The following NXPE3 variants were observed in gnomAD, a reference collection of about 807,000 sequenced individuals.
NXPE3 encodes neurexophilin and PC-esterase domain family member 3.
NXPE3 carries 26 observed loss-of-function variants against 46.1 expected under a neutral mutation model. The observed-to-expected ratio is 0.56, with a 90% CI of 0.41 to 0.78. The LOEUF is 0.78. Ranked by LOEUF, NXPE3 falls within the 30% of genes least tolerant of loss-of-function variation. NXPE3 has a pLI of 0.00. For synonymous variants in NXPE3, 272 were observed against 257.9 expected, an observed-to-expected ratio of 1.05 and a Z score of -0.52; for missense variants, 620 against 686.0, an observed-to-expected ratio of 0.90 and a Z score of 1.07.
Position 101,816,749 on chromosome 3 carries a change from G to A in NXPE3, c.923-46G>A, listed in dbSNP as rs1941987716. On this transcript the variant is annotated intron_variant, in intron 6 of 7. Coordinates refer to ENST00000273347, the MANE Select transcript of NXPE3 (RefSeq NM_145037.4). ...TTTCTTGGGACATTTTTCATCTATT[G>A]TTGGAGGAGAATATTAAAATATTTG... 2.1e-6 allele frequency: 3 copies of A among 1,424,828 alleles called. No homozygotes were observed. In the Admixed American group the frequency reaches 5.4e-5, roughly 26 times the overall value. 88.3% of individuals were successfully genotyped at this position (1,424,828 alleles called of 1,614,324 possible).
At position 101,808,850 on chromosome 3, in the gene NXPE3, T is replaced by TAC. The variant is rs1560057823; in HGVS notation, c.922+1725_922+1726insCA. ...ATATATATATATATATATATATATA[T>TAC]ATATATGAGACATTTATCTTTTATC... On this transcript the variant is annotated intron_variant, in intron 6 of 7. Transcript: ENST00000273347. 1.4e-3 allele frequency among the ~76,000 whole-genome samples: 183 copies of TAC among 132,450 alleles called. 13 individuals carry two copies. The highest frequency in any genetic ancestry group is 7.6e-3 in the East Asian group (34 of 4,446). 86.9% of individuals were successfully genotyped at this position (132,450 alleles called of 152,430 possible). A position where few individuals can be genotyped will look rare whatever the true frequency, so the allele number is the denominator to read the frequency against.
rs1033518588 is a variant in NXPE3 at position 101,821,413 on chromosome 3, A to C, written c.1139A>C (p.Glu380Ala). ...YLTTFVPDLV[E>A]FNLGSPKNVG... ...GTTTTCCTTGTTTCAGATTTAGTGG[A>C]GTTTAACTTGGGTAGTCCCAAGAAT... Residue 380 changes from glutamate (E) to alanine (A), a missense_variant, in exon 8 of 8, where the codon GAG becomes GCG. Coordinates refer to ENST00000273347, the MANE Select transcript of NXPE3 (RefSeq NM_145037.4). The C allele has an allele frequency of 6.2e-7, 1 of 1,611,386 alleles. No homozygotes were observed. The highest frequency in any genetic ancestry group is 8.5e-7 in the Non-Finnish European group (1 of 1,177,952).
In NXPE3 at chr3:101,825,498, A is replaced by G. The variant is rs1236479360; in HGVS notation, c.*3544A>G. Reference sequence around the variant, plus strand: ...AATTTTTAAAAACTATAAAATCTAGAAGAAAAATCTATGGATAAAATCCAT... The same window carrying G: ...AATTTTTAAAAACTATAAAATCTAGGAGAAAAATCTATGGATAAAATCCAT... On this transcript the variant is annotated 3_prime_UTR_variant, in exon 8 of 8. Coordinates refer to ENST00000273347, the MANE Select transcript of NXPE3 (RefSeq NM_145037.4). The G allele has an allele frequency of 1.3e-5, 2 of 152,228 alleles. No individual in the cohort carries two copies. Among genetic ancestry groups the G allele is most frequent in the Non-Finnish European group, 2.9e-5 (2 of 68,036 alleles). The allele number at this position is 152,228 out of a possible 1,614,324, so 9.4% of individuals were successfully genotyped here.
At chr3:101,813,541 T>C (rs1364138296) in intron 6 of NXPE3, among the ~76,000 whole-genome samples, 1 of 152,226 alleles carries the variant, frequency 6.6e-6, no homozygotes, top group African/African-American at 2.4e-5. Flanking sequence ...CCATGGGCTT[T>C]AAAGAGAAGC....
chr3:101,803,567 G>A (rs953951677), intron 5 of NXPE3, among the ~76,000 whole-genome samples: 2 of 152,192 alleles, frequency 1.3e-5, no homozygotes, highest in Admixed American at 6.5e-5. Context: ...TTATTTCTGT[G>A]TACTTTTTTG....
chr3:101,807,434 C>T (rs1941469843), intron 6 of NXPE3, among the ~76,000 whole-genome samples: 1 of 152,116 alleles, frequency 6.6e-6, no homozygotes, highest in African/African-American at 2.4e-5. Context: ...ATCCTCCCAT[C>T]TCAGCCTCCC....
At chr3:101,807,195 A>G in intron 6 of NXPE3, 69 bp downstream of exon 6, 1 of 1,175,128 alleles carries the variant, frequency 8.5e-7, no homozygotes, top group Non-Finnish European at 1.3e-6. Flanking sequence ...CTGTCGTTTC[A>G]TTTATGTTGC....
chr3:101,815,911 G>A (rs1484027470), intron 6 of NXPE3, among the ~76,000 whole-genome samples: 13 of 151,540 alleles, frequency 8.6e-5, no homozygotes, highest in Non-Finnish European at 1.5e-4. Context: ...CAGGAGAATC[G>A]CTTGAACCCA....
intron 6 of NXPE3, among the ~76,000 whole-genome samples, chr3:101,811,854 T>C (rs1941724246): frequency 6.6e-6 from 1 of 151,392 alleles, no homozygotes; most frequent in Admixed American, 6.6e-5. Flanking sequence ...CTGCCTCAGC[T>C]TCCCAAGTAG....
chr3:101,811,524 T>C (rs1026580360), intron 6 of NXPE3, among the ~76,000 whole-genome samples: 2 of 152,180 alleles, frequency 1.3e-5, no homozygotes, highest in African/African-American at 2.4e-5. Context: ...TTTTGAGTCC[T>C]TCTTTGTTAG....
At chr3:101,812,684 C>T (rs1183886733) in intron 6 of NXPE3, among the ~76,000 whole-genome samples, 1 of 151,464 alleles carries the variant, frequency 6.6e-6, no homozygotes, top group Non-Finnish European at 1.5e-5. Context: ...TGGTGGCAGG[C>T]GCCTGTAGTC....
chr3:101,793,873 C>T (rs1052683833), intron 4 of NXPE3, among the ~76,000 whole-genome samples: 1 of 151,880 alleles, frequency 6.6e-6, no homozygotes, highest in African/African-American at 2.4e-5. Flanking sequence ...GTTTTGCTTT[C>T]CTGTGAATTA....
intron 3 of NXPE3, among the ~76,000 whole-genome samples, chr3:101,784,801 GGTGT>G (rs769955602): frequency 2.6e-5 from 4 of 152,152 alleles, no homozygotes; most frequent in Non-Finnish European, 5.9e-5. Context: ...CTTCCAGGCA[GGTGT>G]GTGTCTTCCT....
rs185951786 is a variant in NXPE3, at chr3:101,801,035, C to G, written c.94-200C>G. 1.6e-3 allele frequency among the ~76,000 whole-genome samples: 244 copies of G among 152,228 alleles called. 1 individual carries two copies. The highest frequency in any genetic ancestry group is 5.2e-3 in the African/African-American group (216 of 41,538). On this transcript the variant is annotated intron_variant, in intron 4 of 7. Coordinates refer to ENST00000273347, the MANE Select transcript of NXPE3 (RefSeq NM_145037.4). ...CAGCTTTGTTAAGAACAACACAGTG[C>G]TCTGCATACTTCAAAATGGGTCCTT...
In NXPE3 at chr3:101,828,032, A is replaced by C. The variant is rs2107386522; in HGVS notation, c.*6078A>C. On this transcript the variant is annotated 3_prime_UTR_variant, in exon 8 of 8. Coordinates refer to ENST00000273347, the MANE Select transcript of NXPE3 (RefSeq NM_145037.4). The stretch of plus-strand genomic sequence containing the variant: ...TCAGACGGCGAGTTCTTAGAGAAAA[A>C]GGCTGCTTAGCTGCTGCTTATCATG... The C allele has an allele frequency of 6.6e-6, 1 of 152,328 alleles. No homozygotes were observed. Among genetic ancestry groups the C allele is most frequent in the African/African-American group, 2.4e-5 (1 of 41,566 alleles). The allele number at this position is 152,328 out of a possible 1,614,324, so 9.4% of individuals were successfully genotyped here.
chr3:101,787,216 G>C (rs964078290), intron 4 of NXPE3, among the ~76,000 whole-genome samples: 1 of 151,862 alleles, frequency 6.6e-6, no homozygotes, highest in African/African-American at 2.4e-5. Context: ...CCTGCCCCTG[G>C]CATTCACTCT....
At chr3:101,789,146 T>C (rs1440308753) in intron 4 of NXPE3, among the ~76,000 whole-genome samples, 3 of 152,218 alleles carry the variant, frequency 2.0e-5, no homozygotes, top group Non-Finnish European at 4.4e-5. Flanking sequence ...TCCCTTCTTC[T>C]GTTTACTTTG....
At position 101,822,096 on chromosome 3, in the gene NXPE3, T is replaced by C. The variant is rs1308976019; in HGVS notation, c.*142T>C. 6 of 693,164 alleles carry C rather than the reference T, an allele frequency of 8.7e-6. No homozygotes were observed. Among genetic ancestry groups the C allele is most frequent in the South Asian group, 2.0e-5 (1 of 49,674 alleles). The allele number at this position is 693,164 out of a possible 1,614,324, so 42.9% of individuals were successfully genotyped here. ...GATCTGGACTTAATATGATGACTTA[T>C]AAGGAGCTTAGAAAATGCAGGTTAC... On this transcript the variant is annotated 3_prime_UTR_variant, in exon 8 of 8. Transcript: ENST00000273347.
intron 5 of NXPE3, among the ~76,000 whole-genome samples, chr3:101,805,286 C>T (rs1279650283): frequency 6.6e-6 from 1 of 152,056 alleles, no homozygotes; most frequent in Non-Finnish European, 1.5e-5. Flanking sequence ...CCAATAATGA[C>T]TTCTGTAGCT....
Sources: gnomAD v4.1 joint callset for allele counts (sites outside exome capture counted in the v4.1 genomes callset) on GRCh38, gnomAD v4.1.1 for gene constraint, MANE v1.5 for transcripts, NCBI Gene and HGNC (gene_info 2026-07-23, HGNC 2026-07-21) for gene names.